Variants in ADK observed in about 807,000 individuals in gnomAD.
The protein encoded by ADK is N6,N6-dimethyladenosine kinase.
ADK carries 24 observed loss-of-function variants against 44.7 expected under a neutral mutation model. That is an observed-to-expected ratio of 0.54 (90% confidence interval 0.39 to 0.76). The LOEUF is 0.76. Among genes scored for constraint, ADK ranks in the 30% least tolerant of loss-of-function variants. The pLI, the probability that ADK is intolerant of heterozygous loss-of-function variation, is 0.00. For missense variants in ADK, 321 were observed against 425.1 expected (o/e 0.76, Z 2.15); for synonymous variants, 128 against 142.6 (o/e 0.90, Z 0.73).
chr10:74,167,340 A>G (rs1374442665), intron 1 of ADK, among the ~76,000 whole-genome samples: 1 of 152,198 alleles, frequency 6.6e-6, no homozygotes, highest in African/African-American at 2.4e-5. Flanking sequence ...TTGGTTTTCT[A>G]TTCCAAAATT....
At chr10:74,696,396 C>T (rs180962552) in intron 10 of ADK, among the ~76,000 whole-genome samples, 7 of 150,486 alleles carry the variant, frequency 4.7e-5, no homozygotes, top group South Asian at 2.1e-4. Context: ...GAAACGAACT[C>T]GTTCTGTCAC....
At position 74,660,531 on chromosome 10, in the gene ADK, A is replaced by G. The variant is rs368910664; in HGVS notation, c.878-9652A>G. ...GTTGGGAGGATTACTTGAGCCTAGG[A>G]GTTTGAGACCAGCCTGGGCAACATG... On this transcript the variant is annotated intron_variant, in intron 9 of 10. Coordinates refer to ENST00000539909, the MANE Select transcript of ADK (RefSeq NM_006721.4). Among the ~76,000 whole-genome samples the G allele has an allele frequency of 1.2e-3, 174 of 149,476 alleles. 4 individuals carry two copies. In the South Asian group the frequency reaches 0.036, roughly 31 times the overall value.
chr10:74,577,010 T>C (rs1851207215), intron 7 of ADK, among the ~76,000 whole-genome samples: 1 of 152,118 alleles, frequency 6.6e-6, no homozygotes, highest in Non-Finnish European at 1.5e-5. Flanking sequence ...CAGTATCTCT[T>C]AAAACCTGTT....
intron 4 of ADK, among the ~76,000 whole-genome samples, chr10:74,352,602 C>T (rs1250479200): frequency 6.6e-6 from 1 of 152,178 alleles, no homozygotes; most frequent in Non-Finnish European, 1.5e-5. Flanking sequence ...AGAGCTTCTA[C>T]ACAGCGAAAG....
intron 4 of ADK, among the ~76,000 whole-genome samples, chr10:74,380,574 TG>T (rs1176941265): frequency 2.0e-5 from 3 of 152,020 alleles, no homozygotes; most frequent in African/African-American, 4.8e-5. Flanking sequence ...CTGGTTAACA[TG>T]GTAAAACCCC....
chr10:74,356,043 G>A lies in ADK; in HGVS notation c.274-38098G>A, dbSNP rs374981342. On this transcript the variant is annotated intron_variant, in intron 4 of 10. Coordinates refer to ENST00000539909, the MANE Select transcript of ADK (RefSeq NM_006721.4). The stretch of plus-strand genomic sequence containing the variant: ...TTTTTTTTTTTTGAGACGGAGTCTC[G>A]CTCTGTCGCCCAGGCCGGACTGCGG... 3.1e-3 allele frequency among the ~76,000 whole-genome samples: 350 copies of A among 111,160 alleles called. 4 individuals are homozygous for A. In the Middle Eastern group the frequency reaches 0.038, roughly 12 times the overall value. 72.9% of individuals were successfully genotyped at this position (111,160 alleles called of 152,430 possible).
intron 3 of ADK, among the ~76,000 whole-genome samples, chr10:74,250,450 G>A (rs1041008948): frequency 1.3e-5 from 2 of 152,138 alleles, no homozygotes; most frequent in Admixed American, 6.5e-5. Context: ...GTCATGGAGG[G>A]AGAGGTAAAA....
intron 9 of ADK, among the ~76,000 whole-genome samples, chr10:74,656,733 A>T (rs1207724012): frequency 6.6e-6 from 1 of 152,218 alleles, no homozygotes; most frequent in African/African-American, 2.4e-5. Flanking sequence ...ATTATAGATG[A>T]AAACTCCTTG....
chr10:74,708,153 GAAA>G (rs35480343), intron 10 of ADK, among the ~76,000 whole-genome samples, 165 bp from the exon 11 acceptor site: 2 of 132,710 alleles, frequency 1.5e-5, no homozygotes. Context: ...CCATCTCGGG[GAAA>G]AAAAAAAAAA....
chr10:74,505,141 G>T (rs1299350014), intron 6 of ADK, among the ~76,000 whole-genome samples: 2 of 152,136 alleles, frequency 1.3e-5, no homozygotes, highest in Non-Finnish European at 2.9e-5. Flanking sequence ...GGCATACTCA[G>T]TGTAACTTTA....
At chr10:74,432,026 T>C (rs1845018336) in intron 6 of ADK, among the ~76,000 whole-genome samples, 2 of 151,988 alleles carry the variant, frequency 1.3e-5, no homozygotes, top group South Asian at 4.2e-4. Flanking sequence ...TCCCTGTCTC[T>C]ACCAAAATAA....
chr10:74,695,725 A>G (rs2134282209), intron 10 of ADK, among the ~76,000 whole-genome samples: 1 of 151,556 alleles, frequency 6.6e-6, no homozygotes, highest in East Asian at 1.9e-4. Flanking sequence ...CTACAGCCTC[A>G]TCCTTCTGGG....
chr10:74,490,628 A>G (rs1431414150), intron 6 of ADK, among the ~76,000 whole-genome samples: 1 of 152,088 alleles, frequency 6.6e-6, no homozygotes, highest in East Asian at 1.9e-4. Context: ...TTTTGAACCC[A>G]TGTCTCATTG....
chr10:74,566,923 T>A (rs759729309), intron 7 of ADK, among the ~76,000 whole-genome samples: 4 of 152,262 alleles, frequency 2.6e-5, no homozygotes, highest in Non-Finnish European at 5.9e-5. Flanking sequence ...ATGGAATCTC[T>A]ACTTCTGTGA....
At chr10:74,155,380 ACAGGAGGCTGAGG>A (rs1841717491) in intron 1 of ADK, among the ~76,000 whole-genome samples, 1 of 151,858 alleles carries the variant, frequency 6.6e-6, no homozygotes, top group African/African-American at 2.4e-5. Flanking sequence ...TCCCAGCTAC[ACAGGAGGCTGAGG>A]CAGGAGGATT....
intron 3 of ADK, among the ~76,000 whole-genome samples, chr10:74,267,757 TGTGTGTGTG>T (rs1564625059): frequency 7.9e-6 from 1 of 127,180 alleles, no homozygotes; most frequent in Non-Finnish European, 1.6e-5. Flanking sequence ...TCCTTATTTG[TGTGTGTGTG>T]TGTGTGTGTG....
At chr10:74,197,425 G>C (rs191347344) in intron 1 of ADK, among the ~76,000 whole-genome samples, 1 of 152,166 alleles carries the variant, frequency 6.6e-6, no homozygotes, top group Non-Finnish European at 1.5e-5. Context: ...TGGGCTGGGC[G>C]TGGTAGCTCA....
At chr10:74,153,927 T>C (rs1841682163) in intron 1 of ADK, among the ~76,000 whole-genome samples, 1 of 152,168 alleles carries the variant, frequency 6.6e-6, no homozygotes, top group South Asian at 2.1e-4. Context: ...ATTTTAGACA[T>C]GGTGTTAAAA....
intron 3 of ADK, among the ~76,000 whole-genome samples, chr10:74,234,688 T>C (rs1303660056): frequency 3.9e-5 from 6 of 152,198 alleles, no homozygotes; most frequent in Non-Finnish European, 8.8e-5. Context: ...TGATGAATGG[T>C]AATCTGATAT....
Sources: allele counts gnomAD v4.1 joint callset (sites outside exome capture counted in the v4.1 genomes callset), GRCh38; gene constraint gnomAD v4.1.1; transcripts MANE v1.5; gene names NCBI Gene and HGNC (gene_info 2026-07-23, HGNC 2026-07-21).